The following CPNE8 variants were observed in gnomAD, a reference collection of about 807,000 sequenced individuals.
The protein encoded by CPNE8 is copine-8.
A neutral mutation model predicts 81.5 loss-of-function variants in CPNE8; 45 were observed. The ratio of observed to expected loss-of-function variants is 0.55; its 90% confidence interval spans 0.44 to 0.71. The LOEUF is 0.71. CPNE8 is among the 30% of genes least tolerant of loss of function. The probability of loss-of-function intolerance (pLI) is 0.00; values close to 1 mark genes in which losing one functional copy is unlikely to be tolerated. For synonymous variants in CPNE8, 252 were observed against 226.3 expected (o/e 1.11, Z -1.02); for missense variants, 594 against 672.1 (o/e 0.88, Z 1.28).
At chr12:38,745,717 A>G (rs988696495) in intron 10 of CPNE8, among the ~76,000 whole-genome samples, 1 of 152,092 alleles carries the variant, frequency 6.6e-6, no homozygotes, top group African/African-American at 2.4e-5. Flanking sequence ...TAATTTAAAA[A>G]AATTATTTGT....
intron 13 of CPNE8, among the ~76,000 whole-genome samples, chr12:38,709,517 T>C (rs1940194330): frequency 6.6e-6 from 1 of 152,206 alleles, no homozygotes; most frequent in Admixed American, 6.5e-5. Flanking sequence ...TTCAATCTTC[T>C]GCAGCTCACT....
chr12:38,654,253 T>C (rs1938768883), intron 19 of CPNE8, among the ~76,000 whole-genome samples, 183 bp from the exon 20 acceptor site: 1 of 152,080 alleles, frequency 6.6e-6, no homozygotes, highest in Non-Finnish European at 1.5e-5. Context: ...TGGTGGCTCA[T>C]GCCTGTAATC....
At chr12:38,732,250 C>G (rs1298183028) in intron 10 of CPNE8, among the ~76,000 whole-genome samples, 1 of 151,916 alleles carries the variant, frequency 6.6e-6, no homozygotes, top group East Asian at 1.9e-4. Context: ...CAATGCTTAT[C>G]AAAAACATGG....
chr12:38,717,799 C>A (rs1406517523), intron 13 of CPNE8, among the ~76,000 whole-genome samples: 1 of 151,346 alleles, frequency 6.6e-6, no homozygotes, highest in East Asian at 2.0e-4. Flanking sequence ...CCTGTACCCC[C>A]CAAAAAACTA....
At chr12:38,663,260 C>CAAAACAAAAAACA (rs1011189538) in intron 19 of CPNE8, among the ~76,000 whole-genome samples, 1 of 151,210 alleles carries the variant, frequency 6.6e-6, no homozygotes, top group African/African-American at 2.4e-5. Context: ...CAAACAATAG[C>CAAAACAAAAAACA]AAAACAAAAA....
intron 19 of CPNE8, among the ~76,000 whole-genome samples, chr12:38,667,286 A>G (rs1025487873): frequency 6.6e-6 from 1 of 152,168 alleles, no homozygotes; most frequent in Non-Finnish European, 1.5e-5. Flanking sequence ...TGACCAGGGG[A>G]AGATTGAAAA....
chr12:38,861,456 CA>C (rs1247308212), intron 3 of CPNE8, among the ~76,000 whole-genome samples: 2 of 151,874 alleles, frequency 1.3e-5, no homozygotes, highest in Non-Finnish European at 1.5e-5. Flanking sequence ...AACACAAAAA[CA>C]AATTGAAACA....
intron 1 of CPNE8, among the ~76,000 whole-genome samples, chr12:38,892,709 C>G (rs1402953950): frequency 6.6e-6 from 1 of 152,192 alleles, no homozygotes; most frequent in Non-Finnish European, 1.5e-5. Flanking sequence ...TCAGAGGAAG[C>G]ACACAAGACT....
chr12:38,817,602 C>T (rs1017145584), intron 6 of CPNE8, among the ~76,000 whole-genome samples: 2 of 138,682 alleles, frequency 1.4e-5, no homozygotes, highest in African/African-American at 5.2e-5. Context: ...TAAAGTTACA[C>T]ATTAATTTAT....
intron 5 of CPNE8, among the ~76,000 whole-genome samples, chr12:38,836,967 C>A (rs1943391552): frequency 6.6e-6 from 1 of 152,130 alleles, no homozygotes; most frequent in Non-Finnish European, 1.5e-5. Context: ...ACATCCTTCA[C>A]CTACTTATAA....
chr12:38,755,005 T>A (rs572524383), intron 10 of CPNE8, among the ~76,000 whole-genome samples: 1 of 152,256 alleles, frequency 6.6e-6, no homozygotes, highest in Admixed American at 6.5e-5. Context: ...TCTAAATGAG[T>A]TCTAATGTTT....
chr12:38,686,458 G>A (rs1435547220), intron 15 of CPNE8, among the ~76,000 whole-genome samples: 1 of 152,086 alleles, frequency 6.6e-6, no homozygotes, highest in Non-Finnish European at 1.5e-5. Context: ...TCATTATTAG[G>A]TTTAATTCTC....
At chr12:38,771,934 C>T (rs1330897051) in intron 7 of CPNE8, among the ~76,000 whole-genome samples, 2 of 152,144 alleles carry the variant, frequency 1.3e-5, no homozygotes, top group Admixed American at 1.3e-4. Context: ...CCTACCAAAG[C>T]TCATATCGAA....
intron 16 of CPNE8, among the ~76,000 whole-genome samples, chr12:38,682,301 T>A (rs1262115453): frequency 1.3e-5 from 2 of 152,236 alleles, no homozygotes; most frequent in Non-Finnish European, 2.9e-5. Flanking sequence ...CTTACGCCTA[T>A]AATCCCAGCA....
rs1162202984 is a variant in CPNE8 at position 38,723,650 on chromosome 12, T to C, written c.914+122A>G. ...CTTTATATCTGAAACAGAAGTCTAA[T>C]AGGCTTGCCATCAAAATATAATAAA... On this transcript the variant is annotated intron_variant, in intron 13 of 19. Coordinates refer to ENST00000331366, the MANE Select transcript of CPNE8 (RefSeq NM_153634.3). 3 of 711,292 alleles carry C rather than the reference T, an allele frequency of 4.2e-6. No individual in the cohort carries two copies. In the African/African-American group the frequency reaches 5.4e-5, roughly 13 times the overall value. The allele number at this position is 711,292 out of a possible 1,614,324, so 44.1% of individuals were successfully genotyped here.
Position 38,670,782 on chromosome 12 carries a change from C to T in CPNE8, c.1453G>A (p.Asp485Asn). ...CCTCTAGAGGAGACTCTTACATCAT[C>T]TCCATCCAATTCGACCATTGCTTTA... ...EFDAMVELDG[D>N]DVRVSSRGKY... is the part of the protein sequence containing the mutation. Residue 485 changes from aspartate to asparagine, a missense_variant, in exon 19 of 20, where the codon GAT (aspartate) becomes AAT (asparagine). Coordinates refer to ENST00000331366, the MANE Select transcript of CPNE8 (RefSeq NM_153634.3). The T allele has an allele frequency of 8.7e-6, 14 of 1,609,422 alleles. No homozygotes were observed. The Middle Eastern group carries it at 1.5e-3, about 171-fold the overall frequency.
chr12:38,731,016 T>C (rs1940818614), intron 10 of CPNE8, among the ~76,000 whole-genome samples: 1 of 151,834 alleles, frequency 6.6e-6, no homozygotes, highest in Non-Finnish European at 1.5e-5. Flanking sequence ...TAAAAAGCTT[T>C]CATCAACTGA....
At chr12:38,835,015 T>C (rs894768890) in intron 5 of CPNE8, among the ~76,000 whole-genome samples, 11 of 152,056 alleles carry the variant, frequency 7.2e-5, no homozygotes, top group African/African-American at 2.7e-4. Context: ...GCCTCCTGAG[T>C]AGCTGGGATT....
At chr12:38,798,373 G>T (rs555742090) in intron 6 of CPNE8, among the ~76,000 whole-genome samples, 2 of 152,288 alleles carry the variant, frequency 1.3e-5, no homozygotes, top group East Asian at 3.9e-4. Flanking sequence ...CTACAAGCCA[G>T]AAGACAGTGG....
Sources: allele counts gnomAD v4.1 joint callset (sites outside exome capture counted in the v4.1 genomes callset), GRCh38; gene constraint gnomAD v4.1.1; transcripts MANE v1.5; gene names NCBI Gene and HGNC (gene_info 2026-07-23, HGNC 2026-07-21).